BMP2: variants seen among roughly 807,000 people sequenced by gnomAD.
BMP2 encodes the protein bone morphogenetic protein 2, also known as bone morphogenetic protein 2A.
A neutral mutation model predicts 28.8 loss-of-function variants in BMP2; 2 were observed. That is an observed-to-expected ratio of 0.07 (90% CI 0.03 to 0.22). The LOEUF (loss-of-function observed/expected upper bound fraction) is 0.22, where lower values mean the gene tolerates loss of function less well. Ranked by LOEUF, BMP2 falls within the 10% of genes least tolerant of loss-of-function variation. BMP2 has a pLI of 1.00. For missense variants in BMP2, 437 were observed against 517.7 expected, an observed-to-expected ratio of 0.84 and a Z score of 1.51; for synonymous variants, 218 against 204.3, an observed-to-expected ratio of 1.07 and a Z score of -0.57.
intron 1 of BMP2, 58 bp downstream of exon 1, chr20:6,768,933 G>T: frequency 2.5e-6 from 1 of 398,608 alleles, no homozygotes; most frequent in Non-Finnish European, 4.4e-6. Context: ...GATTTGGGCA[G>T]CCACTGCGGT....
At chr20:6,768,958 C>G (rs1051102606) in intron 1 of BMP2, 83 bp downstream of exon 1, 3 of 398,166 alleles carry the variant, frequency 7.5e-6, no homozygotes, top group Non-Finnish European at 1.3e-5. Context: ...CCCTTCCTTA[C>G]GTCCAGGCCA....
chr20:6,779,119 T>C lies in BMP2; in HGVS notation c.*30T>C. ...GCAAAATTAAATACATAAATATATA[T>C]ATATATATATATTTTAGAAAAAAGA... On this transcript the variant is annotated 3_prime_UTR_variant, in exon 3 of 3. Transcript: ENST00000378827. 1.0e-6 allele frequency: 1 copy of C among 997,728 alleles called. No individual in the cohort carries two copies. The highest frequency in any genetic ancestry group is 4.8e-5 in the South Asian group (1 of 20,964). 61.8% of individuals were successfully genotyped at this position (997,728 alleles called of 1,614,324 possible). A position where few individuals can be genotyped will look rare whatever the true frequency, so the allele number is the denominator to read the frequency against.
chr20:6,774,019 A>G (rs1039421741), intron 2 of BMP2, among the ~76,000 whole-genome samples: 1 of 152,192 alleles, frequency 6.6e-6, no homozygotes, highest in Non-Finnish European at 1.5e-5. Context: ...TCCTTATAAA[A>G]TAGACACATT....
rs1010119744 is a variant in BMP2, at chr20:6,779,763, T to C, written c.*674T>C. The C allele has an allele frequency of 1.1e-4, 17 of 152,718 alleles. 1 individual carries two copies. Among genetic ancestry groups the C allele is most frequent in the Admixed American group, 4.6e-4 (7 of 15,302 alleles). The allele number at this position is 152,718 out of a possible 1,614,324, so 9.5% of individuals were successfully genotyped here. On this transcript the variant is annotated 3_prime_UTR_variant, in exon 3 of 3. Coordinates refer to ENST00000378827, the MANE Select transcript of BMP2 (RefSeq NM_001200.4). Reference sequence around the variant, plus strand: ...TATTTGGATAAGAACCAGACATTGCTGATCTATTATAGAAACTCTCCTCCT... The same window carrying C: ...TATTTGGATAAGAACCAGACATTGCCGATCTATTATAGAAACTCTCCTCCT...
At chr20:6,775,766 C>T (rs552309806) in intron 2 of BMP2, among the ~76,000 whole-genome samples, 1 of 152,192 alleles carries the variant, frequency 6.6e-6, no homozygotes, top group South Asian at 2.1e-4. Context: ...TAGCTTGTCC[C>T]TTCACTGTCA....
rs34183594 is a variant in BMP2 at position 6,778,380 on chromosome 20, T to C, written c.482T>C (p.Leu161Ser). ...QVFREQMQDA[L>S]GNNSSFHHRI... The stretch of plus-strand genomic sequence containing the variant: ...TTCCGAGAACAGATGCAAGATGCTT[T>C]AGGAAACAATAGCAGTTTCCATCAC... The change falls in exon 3 of 3, where the codon TTA becomes TCA. Residue 161 changes from leucine to serine, a missense_variant. Leu to Ser is a moderately radical substitution (Grantham distance 145, BLOSUM62 -2). Coordinates refer to ENST00000378827, the MANE Select transcript of BMP2 (RefSeq NM_001200.4). The surrounding 1 kb of genome is among the most constrained non-coding windows in gnomAD (Gnocchi z 5.0). 73 of 1,614,178 alleles carry C rather than the reference T, an allele frequency of 4.5e-5. 1 individual carries two copies. The highest frequency in any genetic ancestry group is 4.0e-4 in the East Asian group (18 of 44,882).
Position 6,767,955 on chromosome 20 carries a change from C to G in BMP2, c.-928C>G, listed in dbSNP as rs79555803. 2.5e-6 allele frequency: 1 copy of G among 395,792 alleles called. No individual in the cohort carries two copies. Among genetic ancestry groups the G allele is most frequent in the Non-Finnish European group, 4.5e-6 (1 of 224,380 alleles). 24.5% of individuals were successfully genotyped at this position (395,792 alleles called of 1,614,324 possible). A position where few individuals can be genotyped will look rare whatever the true frequency, so the allele number is the denominator to read the frequency against. ...CCACAGCGCCGTGGCCTCTGCTGCC[C>G]GGGCTGCGCCAGAGCCGCGGACGGG... is the stretch of plus-strand genomic sequence containing the variant. On this transcript the variant is annotated 5_prime_UTR_variant, in exon 1 of 3. Coordinates refer to ENST00000378827, the MANE Select transcript of BMP2 (RefSeq NM_001200.4).
intron 2 of BMP2, among the ~76,000 whole-genome samples, chr20:6,772,366 T>C (rs992582779): frequency 6.6e-6 from 1 of 152,238 alleles, no homozygotes; most frequent in Non-Finnish European, 1.5e-5. Flanking sequence ...TGCAGTTAGA[T>C]AATGGAGAAA....
Position 6,778,352 on chromosome 20 carries a change from G to A in BMP2, c.454G>A (p.Val152Ile), listed in dbSNP as rs1986542824. The change falls in exon 3 of 3, where the codon GTT becomes ATT. Residue 152 changes from valine (V) to isoleucine (I), a missense_variant. Around this residue, in one of 2 missense-constraint regions of BMP2, gnomAD observed 363 missense variants for 392.8 expected, o/e 0.92. Coordinates refer to ENST00000378827, the MANE Select transcript of BMP2 (RefSeq NM_001200.4). This position sits in a 1 kb window ranked among gnomAD's most constrained non-coding sequence, Gnocchi z 5.0. ...EEFITSAELQVFREQMQDALG... is the reference protein window; with the variant it reads ...EEFITSAELQIFREQMQDALG... Reference sequence around the variant, plus strand: ...GTTTATCACCTCAGCAGAGCTTCAGGTTTTCCGAGAACAGATGCAAGATGC... The same window carrying A: ...GTTTATCACCTCAGCAGAGCTTCAGATTTTCCGAGAACAGATGCAAGATGC... 3.1e-6 allele frequency: 5 copies of A among 1,614,142 alleles called. No homozygotes were observed. The highest frequency in any genetic ancestry group is 1.7e-5 in the Admixed American group (1 of 60,010).
Position 6,778,612 on chromosome 20 carries a change from T to C in BMP2, c.714T>C (p.Gly238=). The C allele has an allele frequency of 6.2e-7, 1 of 1,614,046 alleles. No individual in the cohort carries two copies. The highest frequency in any genetic ancestry group is 1.3e-5 in the African/African-American group (1 of 75,022). ...TGGCCCACTTGGAGGAGAAACAAGG[T>C]GTCTCCAAGAGACATGTTAGGATAA... The part of the protein sequence containing the change: ...VEVAHLEEKQ[G]VSKRHVRISR... Residue 238 remains glycine (G), a synonymous_variant, in exon 3 of 3, where the codon GGT becomes GGC. Transcript: ENST00000378827. The surrounding 1 kb of genome is among the most constrained non-coding windows in gnomAD (Gnocchi z 5.0).
intron 2 of BMP2, among the ~76,000 whole-genome samples, chr20:6,773,336 A>G (rs1042682510): frequency 1.3e-5 from 2 of 152,252 alleles, no homozygotes; most frequent in Non-Finnish European, 2.9e-5. Context: ...CTTACCTGGT[A>G]TGGTTCCCTA....
chr20:6,777,671 G>A (rs1986526966), intron 2 of BMP2, among the ~76,000 whole-genome samples: 1 of 152,152 alleles, frequency 6.6e-6, no homozygotes, highest in African/African-American at 2.4e-5. Context: ...AAATAGTAGG[G>A]TGTGCTTTGC....
rs35123420 is a variant in BMP2 at position 6,767,952 on chromosome 20, G to C, written c.-931G>C. ...GCGCCACAGCGCCGTGGCCTCTGCT[G>C]CCCGGGCTGCGCCAGAGCCGCGGAC... On this transcript the variant is annotated 5_prime_UTR_variant, in exon 1 of 3. Coordinates refer to ENST00000378827, the MANE Select transcript of BMP2 (RefSeq NM_001200.4). The C allele has an allele frequency of 0.058, 22,792 of 395,260 alleles. 843 individuals carry two copies. The highest frequency in any genetic ancestry group is 0.12 in the Admixed American group (2,719 of 22,578). The allele number at this position is 395,260 out of a possible 1,614,324, so 24.5% of individuals were successfully genotyped here. A position where few individuals can be genotyped will look rare whatever the true frequency, so the allele number is the denominator to read the frequency against.
Position 6,768,864 on chromosome 20 carries a change from G to C in BMP2, c.-19G>C, listed in dbSNP as rs936207402. ...CCCGCGTGCTTCTTAGACGGACTGC[G>C]GTCTCCTAAAGGTAGAGGACGCGGG... On this transcript the variant is annotated 5_prime_UTR_variant, in exon 1 of 3. Coordinates refer to ENST00000378827, the MANE Select transcript of BMP2 (RefSeq NM_001200.4). 11 of 398,472 alleles carry C rather than the reference G, an allele frequency of 2.8e-5. No homozygotes were observed. The highest frequency in any genetic ancestry group is 4.4e-5 in the Non-Finnish European group (10 of 226,090). 24.7% of individuals were successfully genotyped at this position (398,472 alleles called of 1,614,324 possible).
chr20:6,778,223 C>A lies in BMP2; in HGVS notation c.347-22C>A. 6.4e-7 allele frequency: 1 copy of A among 1,552,832 alleles called. No homozygotes were observed. The highest frequency in any genetic ancestry group is 8.7e-7 in the Non-Finnish European group (1 of 1,155,664). On this transcript the variant is annotated intron_variant, in intron 2 of 2. Coordinates refer to ENST00000378827, the MANE Select transcript of BMP2 (RefSeq NM_001200.4). This position sits in a 1 kb window ranked among gnomAD's most constrained non-coding sequence, Gnocchi z 5.0. Reference sequence around the variant, plus strand: ...AATTCAGACTTTTCTTTTTTCTTCCCTGTTTTTCTCTATCAAATTAGAATC... The same window carrying A: ...AATTCAGACTTTTCTTTTTTCTTCCATGTTTTTCTCTATCAAATTAGAATC...
At chr20:6,774,580 G>T (rs1986461897) in intron 2 of BMP2, among the ~76,000 whole-genome samples, 1 of 152,124 alleles carries the variant, frequency 6.6e-6, no homozygotes, top group African/African-American at 2.4e-5. Flanking sequence ...AAGCGCAGTA[G>T]ATTCAATTAT....
At position 6,770,278 on chromosome 20, in the gene BMP2, G is replaced by T; in HGVS notation, c.152G>T (p.Ser51Ile). 6.2e-7 allele frequency: 1 copy of T among 1,613,414 alleles called. No homozygotes were observed. The highest frequency in any genetic ancestry group is 1.1e-5 in the South Asian group (1 of 91,008). Residue 51 changes from serine to isoleucine, a missense_variant, in exon 2 of 3, where the codon AGC (serine) becomes ATC (isoleucine). Ser to Ile is a moderately radical substitution (Grantham distance 142, BLOSUM62 -2). This residue lies in a region of BMP2 where 363 missense variants were observed against 392.8 expected (regional missense o/e 0.92). Transcript: ENST00000378827. The stretch of plus-strand genomic sequence containing the variant: ...TCCCAGCCCTCTGACGAGGTCCTGA[G>T]CGAGTTCGAGTTGCGGCTGCTCAGC... ...PSSQPSDEVL[S>I]EFELRLLSMF... is the part of the protein sequence containing the mutation.
Position 6,772,760 on chromosome 20 carries a change from C to T in BMP2, c.346+2288C>T, listed in dbSNP as rs78659706. On this transcript the variant is annotated intron_variant, in intron 2 of 2. Coordinates refer to ENST00000378827, the MANE Select transcript of BMP2 (RefSeq NM_001200.4). ...TCTTTCAACCAATATGAGTATAATG[C>T]GACCATATCATAGGGGATCTGAGAC... 2.7e-4 allele frequency among the ~76,000 whole-genome samples: 41 copies of T among 152,276 alleles called. No homozygotes were observed. The East Asian group carries it at 6.4e-3, about 24-fold the overall frequency.
At chr20:6,771,229 AG>A (rs1986392489) in intron 2 of BMP2, among the ~76,000 whole-genome samples, 1 of 151,972 alleles carries the variant, frequency 6.6e-6, no homozygotes, top group African/African-American at 2.4e-5. Context: ...GGTTTTTCTA[AG>A]GTGGGATATT....
Sources: allele counts gnomAD v4.1 joint callset (sites outside exome capture counted in the v4.1 genomes callset), GRCh38; gene constraint gnomAD v4.1.1; regional missense constraint gnomAD v4.1.1; non-coding constraint Gnocchi (gnomAD v3.1); transcripts MANE v1.5; gene names NCBI Gene and HGNC (gene_info 2026-07-23, HGNC 2026-07-21).